Variants in KCNIP4 observed in about 807,000 individuals in gnomAD.
The protein encoded by KCNIP4 is potassium voltage-gated channel interacting protein 4, also known as Kv channel-interacting protein 4.
Under a neutral mutation model 34.0 loss-of-function variants are expected in KCNIP4, and 12 were observed. The ratio of observed to expected loss-of-function variants is 0.35; its 90% CI spans 0.23 to 0.57. The LOEUF is 0.57. KCNIP4 is among the 20% of genes least tolerant of loss of function. The pLI is 0.83. For synonymous variants in KCNIP4, 124 were observed against 102.2 expected (o/e 1.21, Z -1.29); for missense variants, 238 against 311.7 (o/e 0.76, Z 1.78).
At chr4:20,902,133 A>G (rs547820454) in intron 1 of KCNIP4, among the ~76,000 whole-genome samples, 2 of 152,302 alleles carry the variant, frequency 1.3e-5, no homozygotes, top group South Asian at 2.1e-4. Flanking sequence ...TAAGAGGCCA[A>G]AATTATTAGA....
intron 1 of KCNIP4, among the ~76,000 whole-genome samples, chr4:20,974,835 C>T (rs1035936193): frequency 3.3e-5 from 5 of 152,228 alleles, no homozygotes; most frequent in East Asian, 1.9e-4. Flanking sequence ...AGATCACACT[C>T]GAAAACCTTT....
chr4:21,099,489 G>C (rs1747754346), intron 1 of KCNIP4, among the ~76,000 whole-genome samples: 1 of 152,058 alleles, frequency 6.6e-6, no homozygotes, highest in Admixed American at 6.6e-5. Flanking sequence ...AGAACATCAG[G>C]AAAAATAGCT....
At chr4:20,857,308 G>A (rs1200875539) in intron 2 of KCNIP4, among the ~76,000 whole-genome samples, 1 of 152,140 alleles carries the variant, frequency 6.6e-6, no homozygotes, top group Non-Finnish European at 1.5e-5. Flanking sequence ...ACGTAGGACT[G>A]CGAATTCTCA....
intron 1 of KCNIP4, among the ~76,000 whole-genome samples, chr4:21,156,237 G>A (rs1753137410): frequency 6.6e-6 from 1 of 152,168 alleles, no homozygotes; most frequent in East Asian, 1.9e-4. Context: ...ACGGTTGCTT[G>A]GAAGAAGCTG....
intron 1 of KCNIP4, among the ~76,000 whole-genome samples, chr4:21,671,149 A>T (rs1749475239): frequency 1.3e-5 from 2 of 152,104 alleles, no homozygotes; most frequent in African/African-American, 4.8e-5. Context: ...TTTTTATCGC[A>T]TGCCTCATAA....
rs759477091 is a variant in KCNIP4 at position 21,510,078 on chromosome 4, C to CAAA, written c.61+438490_61+438492dup. 4.9e-3 allele frequency among the ~76,000 whole-genome samples: 319 copies of CAAA among 65,156 alleles called. 14 individuals are homozygous for CAAA. The highest frequency in any genetic ancestry group is 0.017 in the African/African-American group (273 of 16,544). The allele number at this position is 65,156 out of a possible 152,430, so 42.7% of individuals were successfully genotyped here. A position where few individuals can be genotyped will look rare whatever the true frequency, so the allele number is the denominator to read the frequency against. On this transcript the variant is annotated intron_variant, in intron 1 of 8. Transcript: ENST00000382152. ...GGGCACAAGAGCAAAACTCCATCTC[C>CAAA]AAAAAAAAAAAAAAAAAAAAAAGGC...
chr4:20,804,189 C>G (rs1714776454), intron 3 of KCNIP4, among the ~76,000 whole-genome samples: 1 of 152,258 alleles, frequency 6.6e-6, no homozygotes, highest in Admixed American at 6.5e-5. Context: ...GTAAGTGCAT[C>G]AGATAGGTAC....
chr4:21,561,904 T>C (rs1467432368), intron 1 of KCNIP4, among the ~76,000 whole-genome samples: 1 of 151,972 alleles, frequency 6.6e-6, no homozygotes, highest in African/African-American at 2.4e-5. Context: ...CCCTGTGCCC[T>C]GGCTCAAAAG....
At position 21,872,054 on chromosome 4, in the gene KCNIP4, G is replaced by A. The variant is rs529209438; in HGVS notation, c.61+76517C>T. 3.1e-4 allele frequency among the ~76,000 whole-genome samples: 47 copies of A among 152,128 alleles called. No homozygotes were observed. The South Asian group carries it at 3.1e-3, about 10-fold the overall frequency. On this transcript the variant is annotated intron_variant, in intron 1 of 8. Transcript: ENST00000382152. The stretch of plus-strand genomic sequence containing the variant: ...AAAAAAAGCAATGGGAAATGATGAT[G>A]CCTTGTCCCCTGGTAGATAGAACAG...
intron 1 of KCNIP4, among the ~76,000 whole-genome samples, chr4:21,514,600 A>G (rs1373710327): frequency 6.6e-6 from 1 of 152,196 alleles, no homozygotes; most frequent in Non-Finnish European, 1.5e-5. Flanking sequence ...ATTTATGGAT[A>G]AGCAAACCCA....
intron 1 of KCNIP4, among the ~76,000 whole-genome samples, chr4:21,806,877 G>A (rs1367639666): frequency 6.6e-6 from 1 of 152,086 alleles, no homozygotes; most frequent in African/African-American, 2.4e-5. Context: ...AGGGTTGGAT[G>A]GGATAGTTGT....
rs756045701 is a variant in KCNIP4 at position 20,758,802 on chromosome 4, A to C, written c.358+19T>G. On this transcript the variant is annotated intron_variant, in intron 4 of 8. Coordinates refer to ENST00000382152, the MANE Select transcript of KCNIP4 (RefSeq NM_025221.6). Reference sequence around the variant, plus strand: ...TTGTAACTCTGATAGTATGTTAACAAGTCCACATTTGTACTTACCTCCCTG... The same window carrying C: ...TTGTAACTCTGATAGTATGTTAACACGTCCACATTTGTACTTACCTCCCTG... The C allele has an allele frequency of 5.0e-6, 8 of 1,589,928 alleles. No individual in the cohort carries two copies. The highest frequency in any genetic ancestry group is 2.7e-5 in the African/African-American group (2 of 74,374).
At chr4:20,977,957 G>A (rs769877544) in intron 1 of KCNIP4, among the ~76,000 whole-genome samples, 4 of 152,024 alleles carry the variant, frequency 2.6e-5, no homozygotes, top group Non-Finnish European at 4.4e-5. Flanking sequence ...TAACCAATTC[G>A]GAAATTTCTT....
chr4:20,808,302 G>C (rs1288957055), intron 3 of KCNIP4, among the ~76,000 whole-genome samples: 1 of 152,102 alleles, frequency 6.6e-6, no homozygotes, highest in East Asian at 1.9e-4. Context: ...TGCCATGAAG[G>C]CTATTTGAGA....
At chr4:20,925,674 T>C (rs1729831057) in intron 1 of KCNIP4, among the ~76,000 whole-genome samples, 2 of 152,170 alleles carry the variant, frequency 1.3e-5, no homozygotes, top group Admixed American at 6.5e-5. Flanking sequence ...TTGGGCAACA[T>C]CCAAGAACCC....
At chr4:21,391,493 A>G (rs1301142680) in intron 1 of KCNIP4, among the ~76,000 whole-genome samples, 1 of 152,064 alleles carries the variant, frequency 6.6e-6, no homozygotes, top group Non-Finnish European at 1.5e-5. Context: ...TGATCCTCCA[A>G]ATTTTATCAG....
chr4:21,320,337 C>A (rs1714237053), intron 1 of KCNIP4, among the ~76,000 whole-genome samples: 2 of 152,178 alleles, frequency 1.3e-5, no homozygotes, highest in Middle Eastern at 6.8e-3. Context: ...CCTGAAGGTG[C>A]CTGGCTAAGC....
intron 3 of KCNIP4, among the ~76,000 whole-genome samples, chr4:20,773,393 T>C (rs1398974880): frequency 6.6e-6 from 1 of 152,170 alleles, no homozygotes; most frequent in African/African-American, 2.4e-5. Flanking sequence ...AGTACTTCAG[T>C]GCTTCCGAGC....
At chr4:21,739,780 T>A (rs1716274467) in intron 1 of KCNIP4, among the ~76,000 whole-genome samples, 1 of 152,094 alleles carries the variant, frequency 6.6e-6, no homozygotes, top group Admixed American at 6.6e-5. Context: ...ACATCCTTTA[T>A]GTCACCGCCA....
Sources: gnomAD v4.1 joint callset for allele counts (sites outside exome capture counted in the v4.1 genomes callset) on GRCh38, gnomAD v4.1.1 for gene constraint, MANE v1.5 for transcripts, NCBI Gene and HGNC (gene_info 2026-07-23, HGNC 2026-07-21) for gene names.